The following SEPTIN6 variants were observed in gnomAD, a reference collection of about 807,000 sequenced individuals.
SEPTIN6 encodes the protein septin 6, also known as septin-6.
SEPTIN6 carries 8 observed loss-of-function variants against 33.6 expected under a neutral mutation model. The ratio of observed to expected loss-of-function variants is 0.24; its 90% CI spans 0.14 to 0.43. The LOEUF (loss-of-function observed/expected upper bound fraction) is 0.43, where lower values mean the gene tolerates loss of function less well. SEPTIN6 is among the 20% of genes least tolerant of loss of function. The probability of loss-of-function intolerance (pLI) is 1.00; values close to 1 mark genes in which losing one functional copy is unlikely to be tolerated. For synonymous variants in SEPTIN6, 131 were observed against 140.0 expected (o/e 0.94, Z 0.45); for missense variants, 250 against 340.8 (o/e 0.73, Z 2.10).
At chrX:119,671,742 G>A (rs1333647156) in intron 2 of SEPTIN6, among the ~76,000 whole-genome samples, 4 of 111,125 alleles carry the variant, frequency 3.6e-5, no homozygotes, top group Admixed American at 1.9e-4. Flanking sequence ...ACTCCAGCCT[G>A]GGCAATAGAA....
At chrX:119,622,732 C>T (rs1237513797) in intron 10 of SEPTIN6, among the ~76,000 whole-genome samples, 1 of 112,401 alleles carries the variant, frequency 8.9e-6, no homozygotes, top group Non-Finnish European at 1.9e-5. Context: ...ATCTCATTAA[C>T]TAGAATACAT....
intron 6 of SEPTIN6, among the ~76,000 whole-genome samples, chrX:119,637,654 T>TCC (rs2054089910): frequency 3.7e-4 from 34 of 91,891 alleles, no homozygotes; most frequent in African/African-American, 8.4e-4. Context: ...TCCATCTATC[T>TCC]ATCCATCCAT....
intron 8 of SEPTIN6, among the ~76,000 whole-genome samples, chrX:119,631,182 CTT>C (rs1045034639): frequency 1.3e-4 from 12 of 94,917 alleles, no homozygotes; most frequent in Admixed American, 2.3e-4. Flanking sequence ...TTTTTCTTTT[CTT>C]TTTTTTTTTT....
chrX:119,632,281 C>T (rs1245314326), intron 8 of SEPTIN6, among the ~76,000 whole-genome samples: 2 of 110,029 alleles, frequency 1.8e-5, no homozygotes, highest in African/African-American at 3.3e-5. Context: ...CTGCAAGCTC[C>T]GCCTTCCGGG....
At chrX:119,674,844 C>T (rs1017639986) in intron 2 of SEPTIN6, among the ~76,000 whole-genome samples, 1 of 111,614 alleles carries the variant, frequency 9.0e-6, no homozygotes, top group Non-Finnish European at 1.9e-5. Flanking sequence ...CAGATATTAC[C>T]GCACTCTACT....
chrX:119,640,637 AAG>A, intron 6 of SEPTIN6, 53 bp downstream of exon 6: 3 of 977,492 alleles, frequency 3.1e-6, no homozygotes, highest in Non-Finnish European at 4.4e-6. Context: ...GGGACAAACA[AAG>A]AGACAGACAA....
At chrX:119,687,095 G>A (rs1323575071) in intron 1 of SEPTIN6, among the ~76,000 whole-genome samples, 2 of 111,642 alleles carry the variant, frequency 1.8e-5, no homozygotes, top group Non-Finnish European at 3.8e-5. Context: ...TAAATAAAGG[G>A]AACAGTAATA....
At chrX:119,639,657 C>T (rs1569425046) in intron 6 of SEPTIN6, among the ~76,000 whole-genome samples, 1 of 111,806 alleles carries the variant, frequency 8.9e-6, no homozygotes, top group African/African-American at 3.3e-5. Flanking sequence ...ACTCCCCTGG[C>T]AGAGACTTAA....
chrX:119,618,497 T>G lies in SEPTIN6; in HGVS notation c.*1596A>C. On this transcript the variant is annotated 3_prime_UTR_variant, in exon 11 of 11. Coordinates refer to ENST00000394610, the MANE Select transcript of SEPTIN6 (RefSeq NM_145799.4). ...AAGGCCTGGAAATTTGGCATAACCT[T>G]GTTTGACTGTGTGCTTTGAAAGTAA... 1.1e-6 allele frequency: 1 copy of G among 923,246 alleles called. No homozygotes were observed. 76.1% of individuals were successfully genotyped at this position (923,246 alleles called of 1,213,427 possible). A position where few individuals can be genotyped will look rare whatever the true frequency, so the allele number is the denominator to read the frequency against.
chrX:119,677,996 G>A (rs768010852), intron 1 of SEPTIN6, among the ~76,000 whole-genome samples: 8 of 112,762 alleles, frequency 7.1e-5, no homozygotes, highest in Non-Finnish European at 1.1e-4. Flanking sequence ...ACTTGGGGAG[G>A]CCGAAGTGGG....
chrX:119,682,593 C>T (rs754436709), intron 1 of SEPTIN6, among the ~76,000 whole-genome samples: 4 of 111,777 alleles, frequency 3.6e-5, no homozygotes, highest in African/African-American at 9.8e-5. Context: ...ACACCAATTT[C>T]GTTTTTTAAT....
intron 2 of SEPTIN6, among the ~76,000 whole-genome samples, chrX:119,664,756 C>T (rs755694235): frequency 9.7e-6 from 1 of 102,604 alleles, no homozygotes; most frequent in South Asian, 4.7e-4. Flanking sequence ...AGGAGAATTA[C>T]TTGAACCAGG....
intron 2 of SEPTIN6, among the ~76,000 whole-genome samples, chrX:119,674,699 C>T (rs201426076): frequency 8.9e-6 from 1 of 111,903 alleles, no homozygotes; most frequent in Admixed American, 9.6e-5. Flanking sequence ...TGTGTCTCCA[C>T]CTGTTTCATG....
chrX:119,640,586 A>G, intron 6 of SEPTIN6, 106 bp downstream of exon 6: 1 of 636,300 alleles, frequency 1.6e-6, no homozygotes, highest in Non-Finnish European at 2.5e-6. Context: ...CCGAATGAGC[A>G]GAGACTTGGG....
Position 119,618,292 on chromosome X carries a change from A to C in SEPTIN6, c.*1801T>G. 2 of 810,201 alleles carry C rather than the reference A, an allele frequency of 2.5e-6. No homozygotes were observed. The highest frequency in any genetic ancestry group is 3.0e-6 in the Non-Finnish European group (2 of 674,590). The allele number at this position is 810,201 out of a possible 1,213,427, so 66.8% of individuals were successfully genotyped here. ...CTTGTGCTTTGGCAGCATCACCTTC[A>C]TACTTGCTCTGGTCACTCACCAATC... is the stretch of plus-strand genomic sequence containing the variant. On this transcript the variant is annotated 3_prime_UTR_variant, in exon 11 of 11. Coordinates refer to ENST00000394610, the MANE Select transcript of SEPTIN6 (RefSeq NM_145799.4).
chrX:119,619,550 C>T lies in SEPTIN6; in HGVS notation c.*543G>A, dbSNP rs1303442847. 1.2e-6 allele frequency: 1 copy of T among 816,803 alleles called. No homozygotes were observed. The highest frequency in any genetic ancestry group is 1.5e-6 in the Non-Finnish European group (1 of 679,200). The allele number at this position is 816,803 out of a possible 1,213,427, so 67.3% of individuals were successfully genotyped here. On this transcript the variant is annotated 3_prime_UTR_variant, in exon 11 of 11. Transcript: ENST00000394610. Reference sequence around the variant, plus strand: ...AGAAGGAAAAGGCGCCAAAGGCTGTCCTTTTGAAACCCTCTAAGAAATGGC... The same window carrying T: ...AGAAGGAAAAGGCGCCAAAGGCTGTTCTTTTGAAACCCTCTAAGAAATGGC...
intron 1 of SEPTIN6, among the ~76,000 whole-genome samples, chrX:119,688,246 C>T (rs1283721981): frequency 5.4e-5 from 6 of 111,805 alleles, no homozygotes; most frequent in Non-Finnish European, 9.4e-5. Context: ...CCATTCATTG[C>T]TGAGTTAGGT....
intron 10 of SEPTIN6, chrX:119,623,995 T>C (rs1704719541): frequency 7.0e-6 from 2 of 286,295 alleles, no homozygotes; most frequent in Non-Finnish European, 1.4e-5. Context: ...CTTTATAAAC[T>C]TCTATTAACA....
intron 2 of SEPTIN6, among the ~76,000 whole-genome samples, chrX:119,672,277 G>T (rs1281532455): frequency 9.0e-6 from 1 of 111,317 alleles, no homozygotes; most frequent in South Asian, 3.8e-4. Context: ...CTCTTGGAGG[G>T]TCTGTGCTGG....
Sources: allele counts gnomAD v4.1 joint callset (sites outside exome capture counted in the v4.1 genomes callset), GRCh38; gene constraint gnomAD v4.1.1; transcripts MANE v1.5; gene names NCBI Gene and HGNC (gene_info 2026-07-23, HGNC 2026-07-21).